Variants in MBNL1 observed in about 807,000 individuals in gnomAD.
MBNL1 encodes muscleblind-like protein 1.
MBNL1 carries 8 observed loss-of-function variants against 42.2 expected under a neutral mutation model. The observed-to-expected ratio is 0.19, with a 90% CI of 0.11 to 0.34. The LOEUF (loss-of-function observed/expected upper bound fraction) is 0.34, where lower values mean the gene tolerates loss of function less well. Among genes scored for constraint, MBNL1 ranks in the 10% least tolerant of loss-of-function variants. The pLI, the probability that MBNL1 is intolerant of heterozygous loss-of-function variation, is 1.00. For missense variants in MBNL1, 309 were observed against 495.3 expected, an observed-to-expected ratio of 0.62 and a Z score of 3.57; for synonymous variants, 169 against 173.9, an observed-to-expected ratio of 0.97 and a Z score of 0.22.
chr3:152,410,355 T>G (rs1013334995), intron 2 of MBNL1, among the ~76,000 whole-genome samples: 5 of 152,228 alleles, frequency 3.3e-5, no homozygotes, highest in Non-Finnish European at 7.3e-5. Flanking sequence ...ATTGAATGAC[T>G]GTTATTGGTC....
At chr3:152,455,830 T>A (rs1490012708) in intron 7 of MBNL1, among the ~76,000 whole-genome samples, 1 of 152,188 alleles carries the variant, frequency 6.6e-6, no homozygotes, top group East Asian at 1.9e-4. Context: ...GTAAAAAAAA[T>A]CTATTTCATA....
intron 2 of MBNL1, among the ~76,000 whole-genome samples, chr3:152,325,464 A>T (rs2079179287): frequency 1.3e-5 from 2 of 152,294 alleles, no homozygotes; most frequent in East Asian, 1.9e-4. Flanking sequence ...GACTTCACTC[A>T]TAGAGACCTT....
At chr3:152,446,640 T>C in intron 5 of MBNL1, 1 of 1,294,732 alleles carries the variant, frequency 7.7e-7, no homozygotes, top group South Asian at 1.2e-5. Context: ...GCTTGCTGTT[T>C]ATGTTAATGC....
chr3:152,329,277 G>A (rs2082491637), intron 2 of MBNL1, among the ~76,000 whole-genome samples: 1 of 151,830 alleles, frequency 6.6e-6, no homozygotes, highest in African/African-American at 2.4e-5. Flanking sequence ...TTTTTGTTAG[G>A]GATTATAAAA....
rs575699897 is a variant in MBNL1 at position 152,250,806 on chromosome 3, T to C, written n.333+6366T>C. Among the ~76,000 whole-genome samples the C allele has an allele frequency of 3.4e-3, 521 of 152,152 alleles. 5 individuals are homozygous for C. The highest frequency in any genetic ancestry group is 0.015 in the South Asian group (73 of 4,816). ...TGAGATACGTCCCATCAATACCTAA[T>C]TTATTGAGAGTTTTTGGCATGAAGG... On this transcript the variant is annotated intron_variant and non_coding_transcript_variant, in intron 2 of 2. Coordinates refer to the MBNL1 transcript ENST00000477171.
chr3:152,290,380 A>G lies in MBNL1; in HGVS notation c.-789-9025A>G, dbSNP rs372474825. 4.4e-3 allele frequency among the ~76,000 whole-genome samples: 673 copies of G among 152,102 alleles called. 6 individuals are homozygous for G. The highest frequency in any genetic ancestry group is 0.016 in the African/African-American group (649 of 41,498). On this transcript the variant is annotated intron_variant, in intron 1 of 9. Coordinates refer to ENST00000324210, the MANE Select transcript of MBNL1 (RefSeq NM_021038.5). ...TCCTACTTGAGTCTGCTAAAATAGG[A>G]AAAAAATAGGTTAATTATGGAGAAG...
chr3:152,393,728 C>T (rs994288216), intron 2 of MBNL1, among the ~76,000 whole-genome samples: 1 of 152,082 alleles, frequency 6.6e-6, no homozygotes, highest in South Asian at 2.1e-4. Flanking sequence ...CAAGTAGATA[C>T]CTTATATATT....
At chr3:152,370,628 G>A (rs1399213882) in intron 2 of MBNL1, among the ~76,000 whole-genome samples, 1 of 152,136 alleles carries the variant, frequency 6.6e-6, no homozygotes, top group Admixed American at 6.5e-5. Flanking sequence ...AATTGGGTGG[G>A]AGTCTAAGTC....
intron 2 of MBNL1, among the ~76,000 whole-genome samples, chr3:152,352,398 A>T (rs1419797972): frequency 6.6e-6 from 1 of 152,182 alleles, no homozygotes; most frequent in East Asian, 1.9e-4. Context: ...ATTTAACTAC[A>T]CTAGAATTGT....
intron 4 of MBNL1, among the ~76,000 whole-genome samples, chr3:152,435,377 C>T (rs917104001): frequency 4.6e-5 from 7 of 152,124 alleles, no homozygotes; most frequent in African/African-American, 7.2e-5. Flanking sequence ...TCTGGGCTCT[C>T]TGTTCTGTTC....
chr3:152,308,573 G>A (rs1240431676), intron 2 of MBNL1, among the ~76,000 whole-genome samples: 1 of 152,116 alleles, frequency 6.6e-6, no homozygotes, highest in Non-Finnish European at 1.5e-5. Context: ...GGGTGGGAAG[G>A]TGTCGTCAAT....
rs1712923018 is a variant in MBNL1 at position 152,447,718 on chromosome 3, C to T, written c.906C>T (p.Tyr302=). The change falls in exon 6 of 10, where the codon TAC becomes TAT. Residue 302 remains tyrosine, a synonymous_variant. Coordinates refer to ENST00000324210, the MANE Select transcript of MBNL1 (RefSeq NM_021038.5). ...TCTTTAACACTGGTATTTTCCAATA[C>T]CAACAGGCTCTAGCCAACATGCAGT... ...TAVFNTGIFQ[Y]QQALANMQLQ... 3 of 1,610,676 alleles carry T rather than the reference C, an allele frequency of 1.9e-6. No homozygotes were observed. Among genetic ancestry groups the T allele is most frequent in the Non-Finnish European group, 2.5e-6 (3 of 1,177,604 alleles).
intron 2 of MBNL1, among the ~76,000 whole-genome samples, chr3:152,251,364 A>G (rs1028190501): frequency 3.9e-5 from 6 of 152,106 alleles, no homozygotes; most frequent in Non-Finnish European, 8.8e-5. Context: ...ATAATGGATC[A>G]ATTGAACTAA....
intron 2 of MBNL1, among the ~76,000 whole-genome samples, chr3:152,393,706 CA>C (rs1240408937): frequency 5.3e-5 from 8 of 152,210 alleles, no homozygotes; most frequent in African/African-American, 1.9e-4. Context: ...CATCACCCAG[CA>C]TAATGATAAG....
intron 1 of MBNL1, among the ~76,000 whole-genome samples, chr3:152,275,099 A>ATTTGTTTCTGTGTT (rs2044173836): frequency 1.3e-5 from 2 of 152,158 alleles, no homozygotes; most frequent in South Asian, 4.1e-4. Flanking sequence ...TTAGCATTTT[A>ATTTGTTTCTGTGTT]TTTGTTTCTG....
chr3:152,315,228 G>A (rs2070040572), intron 2 of MBNL1, among the ~76,000 whole-genome samples: 1 of 152,192 alleles, frequency 6.6e-6, no homozygotes, highest in African/African-American at 2.4e-5. Flanking sequence ...GGTGCCGTAA[G>A]GCTTTCCTGG....
At chr3:152,255,101 G>A (rs955343221) in intron 2 of MBNL1, among the ~76,000 whole-genome samples, 2 of 152,052 alleles carry the variant, frequency 1.3e-5, no homozygotes, top group Admixed American at 6.6e-5. Context: ...CAATTTGGTG[G>A]AGTAAATATT....
chr3:152,453,042 AAATT>A (rs754677078), intron 6 of MBNL1, among the ~76,000 whole-genome samples: 7 of 151,552 alleles, frequency 4.6e-5, no homozygotes, highest in Non-Finnish European at 7.4e-5. Flanking sequence ...GTATATTAAT[AAATT>A]ACTTATAATT....
chr3:152,291,526 C>T (rs183571545), intron 1 of MBNL1, among the ~76,000 whole-genome samples: 2 of 152,084 alleles, frequency 1.3e-5, no homozygotes, highest in African/African-American at 2.4e-5. Context: ...TGTAATTTGT[C>T]GAAAATACAA....
Sources: gnomAD v4.1 joint callset for allele counts (sites outside exome capture counted in the v4.1 genomes callset) on GRCh38, gnomAD v4.1.1 for gene constraint, MANE v1.5 for transcripts, NCBI Gene and HGNC (gene_info 2026-07-23, HGNC 2026-07-21) for gene names.